Variants in SNTG2 observed in about 807,000 individuals in gnomAD.
SNTG2 encodes the protein syntrophin gamma 2.
SNTG2 carries 74 observed loss-of-function variants against 70.9 expected under a neutral mutation model. The observed-to-expected ratio is 1.04, with a 90% CI of 0.86 to 1.27. SNTG2 has a LOEUF of 1.27. SNTG2 is among the 50% of genes most tolerant of loss of function. The pLI is 0.00. For synonymous variants in SNTG2, 278 were observed against 273.8 expected, an observed-to-expected ratio of 1.02 and a Z score of -0.15; for missense variants, 717 against 690.7, an observed-to-expected ratio of 1.04 and a Z score of -0.43.
At chr2:1,277,352 G>A (rs1279744181) in intron 14 of SNTG2, among the ~76,000 whole-genome samples, 5 of 152,090 alleles carry the variant, frequency 3.3e-5, no homozygotes, top group East Asian at 1.9e-4. Context: ...GCCACCATCC[G>A]CATCAGTCAG....
In SNTG2 at chr2:1,158,822, G is replaced by A. The variant is rs1363087702; in HGVS notation, c.412-6726G>A. Among the ~76,000 whole-genome samples the A allele has an allele frequency of 2.6e-5, 4 of 152,330 alleles. No individual in the cohort carries two copies. The South Asian group carries it at 8.3e-4, about 32-fold the overall frequency. ...TGGTAAGTCTCCATAGGGCTGCAGT[G>A]TCGTGTGTGCAGGAAGGCTTTACGG... On this transcript the variant is annotated intron_variant, in intron 6 of 16. Coordinates refer to ENST00000308624, the MANE Select transcript of SNTG2 (RefSeq NM_018968.4).
intron 6 of SNTG2, among the ~76,000 whole-genome samples, chr2:1,147,381 C>T (rs1572562810): frequency 6.6e-6 from 1 of 152,202 alleles, no homozygotes; most frequent in South Asian, 2.1e-4. Flanking sequence ...ATCTCATCAG[C>T]TGCCAGCATA....
At chr2:1,080,227 T>C (rs1458065887) in intron 1 of SNTG2, among the ~76,000 whole-genome samples, 1 of 148,948 alleles carries the variant, frequency 6.7e-6, no homozygotes, top group African/African-American at 2.6e-5. Flanking sequence ...CCAGAGCTCC[T>C]ATTGCTAGGG....
chr2:1,114,714 A>G (rs1666815766), intron 4 of SNTG2, among the ~76,000 whole-genome samples: 1 of 150,820 alleles, frequency 6.6e-6, no homozygotes, highest in Admixed American at 6.6e-5. Context: ...TTTAACCCCT[A>G]TAGTCCTTTG....
chr2:1,172,881 C>T (rs1195312923), intron 7 of SNTG2, among the ~76,000 whole-genome samples: 1 of 152,194 alleles, frequency 6.6e-6, no homozygotes, highest in East Asian at 1.9e-4. Flanking sequence ...GCAGTGGTCC[C>T]TCCCTTCAAC....
At chr2:1,052,090 T>C (rs1340690761) in intron 1 of SNTG2, among the ~76,000 whole-genome samples, 3 of 152,234 alleles carry the variant, frequency 2.0e-5, no homozygotes, top group African/African-American at 7.2e-5. Flanking sequence ...GATAAGTAAT[T>C]TTACTTTATT....
intron 1 of SNTG2, among the ~76,000 whole-genome samples, chr2:981,360 A>G (rs556587277): frequency 3.3e-5 from 5 of 152,366 alleles, no homozygotes; most frequent in Admixed American, 2.6e-4. Context: ...AGGCATGCAC[A>G]CACATGCATG....
chr2:1,222,079 GTCTCTGTCTCTCTCTGTCTC>G (rs1228794315), intron 9 of SNTG2, among the ~76,000 whole-genome samples: 307 of 14,550 alleles, frequency 0.021, 21 homozygotes, highest in East Asian at 0.037. Context: ...CTCTGTCTCT[GTCTCTGTCTCTCTCTGTCTC>G]TCTCTGTCTC....
intron 12 of SNTG2, among the ~76,000 whole-genome samples, chr2:1,249,218 C>T (rs1288706936): frequency 6.6e-6 from 1 of 152,160 alleles, no homozygotes; most frequent in East Asian, 1.9e-4. Context: ...CTTGATACAT[C>T]GTAACTGTTT....
At chr2:1,096,996 GCT>G (rs376846748) in intron 2 of SNTG2, among the ~76,000 whole-genome samples, 1 of 152,156 alleles carries the variant, frequency 6.6e-6, no homozygotes, top group African/African-American at 2.4e-5. Flanking sequence ...CCGAAATACG[GCT>G]CTTTTTCTGT....
At chr2:1,062,866 A>G (rs1389651085) in intron 1 of SNTG2, among the ~76,000 whole-genome samples, 1 of 152,218 alleles carries the variant, frequency 6.6e-6, no homozygotes. Context: ...GTGTGTGTGC[A>G]TACACACTCA....
intron 1 of SNTG2, among the ~76,000 whole-genome samples, chr2:998,588 AT>A (rs1412248688): frequency 2.6e-5 from 4 of 152,000 alleles, no homozygotes; most frequent in African/African-American, 9.7e-5. Context: ...AGTCTTTCAA[AT>A]TAACTCAAGC....
intron 6 of SNTG2, 74 bp downstream of exon 6, chr2:1,137,883 T>C (rs943593874): frequency 6.8e-6 from 9 of 1,327,132 alleles, no homozygotes; most frequent in African/African-American, 1.4e-5. Flanking sequence ...ATAGTTGATA[T>C]TTCACTGAGT....
intron 2 of SNTG2, among the ~76,000 whole-genome samples, chr2:1,093,796 G>C (rs568583173): frequency 5.5e-4 from 84 of 152,374 alleles, no homozygotes; most frequent in African/African-American, 1.8e-3. Context: ...ACCGTAATAA[G>C]GAACCACAGG....
At chr2:1,062,757 A>G (rs898990336) in intron 1 of SNTG2, among the ~76,000 whole-genome samples, 4 of 152,236 alleles carry the variant, frequency 2.6e-5, no homozygotes, top group African/African-American at 7.2e-5. Context: ...TTAAAAGGAA[A>G]TGTGACCACA....
Position 1,353,232 on chromosome 2 carries a change from C to T in SNTG2, c.1489-14111C>T, listed in dbSNP as rs1462944122. Among the ~76,000 whole-genome samples, 1 of 152,158 alleles carries T rather than the reference C, an allele frequency of 6.6e-6. No homozygotes were observed. The highest frequency in any genetic ancestry group is 1.5e-5 in the Non-Finnish European group (1 of 68,028). Reference sequence around the variant, plus strand: ...GGACAGCCAGGTCACCTGTACACCACCTCCCGCCCACAGAAACAGTGGGCG... The same window carrying T: ...GGACAGCCAGGTCACCTGTACACCATCTCCCGCCCACAGAAACAGTGGGCG... On this transcript the variant is annotated intron_variant, in intron 16 of 16. Coordinates refer to ENST00000308624, the MANE Select transcript of SNTG2 (RefSeq NM_018968.4). This position sits in a 1 kb window ranked among gnomAD's most constrained non-coding sequence, Gnocchi z 4.2.
At chr2:1,299,492 C>A (rs1267598987) in intron 14 of SNTG2, among the ~76,000 whole-genome samples, 2 of 152,196 alleles carry the variant, frequency 1.3e-5, no homozygotes, top group African/African-American at 2.4e-5. Flanking sequence ...ACACCTGGCT[C>A]TCCTCCCTGG....
intron 16 of SNTG2, chr2:1,346,584 G>A (rs1303525308): frequency 6.6e-6 from 1 of 152,290 alleles, no homozygotes; most frequent in African/African-American, 2.4e-5. Context: ...AAGACGAAGA[G>A]GATGGCAACA....
rs576625175 is a variant in SNTG2 at position 1,128,783 on chromosome 2, C to T, written c.326-8839C>T. Among the ~76,000 whole-genome samples, 6 of 152,080 alleles carry T rather than the reference C, an allele frequency of 3.9e-5. No individual in the cohort carries two copies. In the South Asian group the frequency reaches 1.0e-3, roughly 26 times the overall value. On this transcript the variant is annotated intron_variant, in intron 4 of 16. Coordinates refer to ENST00000308624, the MANE Select transcript of SNTG2 (RefSeq NM_018968.4). ...GACTAACAGACACTGGAAATCTTCT[C>T]GTCCAGGGCTGATAGCCATCAGCCA...
Sources: allele counts gnomAD v4.1 joint callset (sites outside exome capture counted in the v4.1 genomes callset), GRCh38; gene constraint gnomAD v4.1.1; non-coding constraint Gnocchi (gnomAD v3.1); transcripts MANE v1.5; gene names NCBI Gene and HGNC (gene_info 2026-07-23, HGNC 2026-07-21).